Variants in UNC5C observed in about 807,000 individuals in gnomAD.
The protein encoded by UNC5C is netrin receptor UNC5C.
In UNC5C, 47 loss-of-function variants were observed where a neutral mutation model predicts 99.8. The observed-to-expected ratio is 0.47, with a 90% CI of 0.37 to 0.60. The LOEUF (loss-of-function observed/expected upper bound fraction) is 0.60. UNC5C is among the 20% of genes least tolerant of loss of function. UNC5C has a pLI of 0.00. For missense variants in UNC5C, 1,062 were observed against 1,165.9 expected (o/e 0.91, Z 1.30); for synonymous variants, 487 against 452.2 (o/e 1.08, Z -0.98).
intron 3 of UNC5C, among the ~76,000 whole-genome samples, chr4:95,279,028 C>T (rs951319992): frequency 1.3e-5 from 2 of 152,094 alleles, no homozygotes; most frequent in Admixed American, 6.6e-5. Flanking sequence ...ATTCTTATGC[C>T]TACAGATTCC....
At chr4:95,340,248 T>C (rs774232205) in intron 1 of UNC5C, among the ~76,000 whole-genome samples, 3 of 152,140 alleles carry the variant, frequency 2.0e-5, no homozygotes, top group African/African-American at 7.2e-5. Context: ...TCTATATTTC[T>C]GAATCATAAG....
intron 7 of UNC5C, among the ~76,000 whole-genome samples, chr4:95,228,710 G>A (rs1022322103): frequency 1.3e-5 from 2 of 152,178 alleles, no homozygotes; most frequent in Non-Finnish European, 2.9e-5. Flanking sequence ...AAGAGGGCTT[G>A]GTAGGCACCT....
At chr4:95,270,804 A>C (rs2149390832) in intron 4 of UNC5C, among the ~76,000 whole-genome samples, 1 of 152,342 alleles carries the variant, frequency 6.6e-6, no homozygotes, top group African/African-American at 2.4e-5. Flanking sequence ...GTGTCCGTAA[A>C]AGGCTAACTT....
At chr4:95,354,495 T>TTTA (rs1560800980) in intron 1 of UNC5C, among the ~76,000 whole-genome samples, 2 of 78,148 alleles carry the variant, frequency 2.6e-5, no homozygotes, top group Non-Finnish European at 5.2e-5. Flanking sequence ...TTTTTTTTTT[T>TTTA]AAGAGACAGG....
At chr4:95,361,265 G>A (rs1021642489) in intron 1 of UNC5C, among the ~76,000 whole-genome samples, 1 of 152,110 alleles carries the variant, frequency 6.6e-6, no homozygotes, top group Admixed American at 6.6e-5. Context: ...AGATAAGTCA[G>A]GCTGATTTGT....
chr4:95,386,677 C>T (rs1745219710), intron 1 of UNC5C, among the ~76,000 whole-genome samples: 1 of 152,166 alleles, frequency 6.6e-6, no homozygotes, highest in Non-Finnish European at 1.5e-5. Context: ...CCAGTTCCGA[C>T]TTGCTAGTCT....
intron 1 of UNC5C, among the ~76,000 whole-genome samples, chr4:95,478,970 T>C (rs2149476999): frequency 6.6e-6 from 1 of 152,068 alleles, no homozygotes; most frequent in South Asian, 2.1e-4. Flanking sequence ...CCTCTCATCA[T>C]GTGACACACT....
intron 1 of UNC5C, among the ~76,000 whole-genome samples, chr4:95,445,021 G>A (rs1035266431): frequency 6.6e-6 from 1 of 152,108 alleles, no homozygotes; most frequent in Non-Finnish European, 1.5e-5. Context: ...AGAGTCTTGA[G>A]TGCGTCATTT....
intron 2 of UNC5C, among the ~76,000 whole-genome samples, chr4:95,304,634 T>C (rs1171373590): frequency 6.6e-6 from 1 of 152,182 alleles, no homozygotes; most frequent in Admixed American, 6.6e-5. Flanking sequence ...TATTTATACA[T>C]TCCCTCTTCA....
chr4:95,365,546 A>C (rs1744532942), intron 1 of UNC5C, among the ~76,000 whole-genome samples: 1 of 151,586 alleles, frequency 6.6e-6, no homozygotes, highest in Admixed American at 6.6e-5. Flanking sequence ...CCCTTACTGA[A>C]AATTTTATAA....
intron 1 of UNC5C, among the ~76,000 whole-genome samples, chr4:95,540,093 A>C (rs2149495708): frequency 6.6e-6 from 1 of 152,332 alleles, no homozygotes; most frequent in South Asian, 2.1e-4. Context: ...AAACCCCTGG[A>C]GGATACTAGT....
intron 1 of UNC5C, among the ~76,000 whole-genome samples, chr4:95,337,932 T>C (rs2149422272): frequency 6.6e-6 from 1 of 152,168 alleles, no homozygotes; most frequent in Non-Finnish European, 1.5e-5. Context: ...AGATTTCCTA[T>C]AATATTCACA....
chr4:95,373,452 T>C (rs1464929601), intron 1 of UNC5C, among the ~76,000 whole-genome samples: 1 of 152,188 alleles, frequency 6.6e-6, no homozygotes, highest in Non-Finnish European at 1.5e-5. Flanking sequence ...CTCTCTACTG[T>C]TGCTTTGCCA....
chr4:95,216,935 G>C (rs1468089306), intron 9 of UNC5C, among the ~76,000 whole-genome samples: 1 of 152,182 alleles, frequency 6.6e-6, no homozygotes, highest in Non-Finnish European at 1.5e-5. Flanking sequence ...ATGGGGTGTG[G>C]GGTAGATTTT....
In UNC5C at chr4:95,518,056, G is replaced by A. The variant is rs115423549; in HGVS notation, c.124+30678C>T. Reference sequence around the variant, plus strand: ...GCAGATTTCTTTTTTCCTTAATGAGGAGAAAAGACTGAGATAGTGAACGTG... The same window carrying A: ...GCAGATTTCTTTTTTCCTTAATGAGAAGAAAAGACTGAGATAGTGAACGTG... On this transcript the variant is annotated intron_variant, in intron 1 of 15. Transcript: ENST00000453304. Among the ~76,000 whole-genome samples, 787 of 152,218 alleles carry A rather than the reference G, an allele frequency of 5.2e-3. 6 individuals are homozygous for A. The highest frequency in any genetic ancestry group is 0.018 in the African/African-American group (742 of 41,524).
chr4:95,327,093 C>A (rs1475470860), intron 2 of UNC5C, among the ~76,000 whole-genome samples: 1 of 152,102 alleles, frequency 6.6e-6, no homozygotes, highest in Non-Finnish European at 1.5e-5. Flanking sequence ...ACATTTCTTG[C>A]TATTAAGAAC....
chr4:95,282,013 T>A (rs1346371306), intron 3 of UNC5C, among the ~76,000 whole-genome samples: 2 of 152,078 alleles, frequency 1.3e-5, no homozygotes, highest in African/African-American at 2.4e-5. Context: ...TCACCCCCAG[T>A]TGAGAACCAC....
intron 1 of UNC5C, among the ~76,000 whole-genome samples, chr4:95,396,873 G>A (rs1745526363): frequency 6.6e-6 from 1 of 152,150 alleles, no homozygotes; most frequent in South Asian, 2.1e-4. Flanking sequence ...TAATCTTCAT[G>A]AATGCTTTAT....
intron 1 of UNC5C, among the ~76,000 whole-genome samples, chr4:95,494,881 G>A (rs1334355265): frequency 6.6e-6 from 1 of 151,008 alleles, no homozygotes; most frequent in African/African-American, 2.4e-5. Flanking sequence ...ACATTAATTG[G>A]GGAAAAACTG....
Sources: allele counts gnomAD v4.1 joint callset (sites outside exome capture counted in the v4.1 genomes callset), GRCh38; gene constraint gnomAD v4.1.1; transcripts MANE v1.5; gene names NCBI Gene and HGNC (gene_info 2026-07-23, HGNC 2026-07-21).